The following ARG1 variants were observed in gnomAD, a reference collection of about 807,000 sequenced individuals.
ARG1 encodes arginase 1.
ARG1 carries 20 observed loss-of-function variants against 33.0 expected under a neutral mutation model. The observed-to-expected ratio is 0.61, with a 90% CI of 0.43 to 0.88. The LOEUF is 0.88. ARG1 is among the 40% of genes least tolerant of loss of function. The pLI is 0.00. For synonymous variants in ARG1, 146 were observed against 140.6 expected (o/e 1.04, Z -0.27); for missense variants, 374 against 384.7 (o/e 0.97, Z 0.23).
rs866970619 is a variant in ARG1 at position 131,583,852 on chromosome 6, G to A, written c.913G>A (p.Gly305Arg). 5 of 1,614,074 alleles carry A rather than the reference G, an allele frequency of 3.1e-6. No individual in the cohort carries two copies. Among genetic ancestry groups the A allele is most frequent in the Admixed American group, 3.3e-5 (2 of 60,020 alleles). Residue 305 changes from glycine (G) to arginine (R), a missense_variant, in exon 8 of 8, where the codon GGA (glycine) becomes AGA (arginine). Physicochemically the swap from Gly to Arg is moderately radical, Grantham distance 125 (BLOSUM62 -2). Coordinates refer to ENST00000368087, the MANE Select transcript of ARG1 (RefSeq NM_000045.4). ...AGTTGCAATAACCTTGGCTTGTTTC[G>A]GACTTGCTCGGGAGGGTAATCACAA... is the stretch of plus-strand genomic sequence containing the variant. ...TAVAITLACF[G>R]LAREGNHKPI...
intron 1 of ARG1, among the ~76,000 whole-genome samples, chr6:131,574,777 C>A (rs1448949781): frequency 6.6e-6 from 1 of 152,152 alleles, no homozygotes; most frequent in Non-Finnish European, 1.5e-5. Context: ...TGTCTCACCT[C>A]CTTGAAAGGC....
intron 6 of ARG1, 60 bp downstream of exon 6, chr6:131,583,224 C>T (rs1774029184): frequency 1.3e-6 from 2 of 1,598,146 alleles, no homozygotes; most frequent in African/African-American, 1.3e-5. Flanking sequence ...CTACTGACAA[C>T]CAAAGTTATT....
Position 131,583,151 on chromosome 6 carries a change from T to G in ARG1, c.652T>G (p.Tyr218Asp). Residue 218 changes from tyrosine (Y) to aspartate (D), a missense_variant, in exon 6 of 8, where the codon TAT becomes GAT. Transcript: ENST00000368087. ...CAAGGTGATGGAAGAAACACTCAGC[T>G]ATCTACTAGGAAGGTAGGATTCTTT... ...IGKVMEETLS[Y>D]LLGRKKRPIH... 1 of 1,613,654 alleles carries G rather than the reference T, an allele frequency of 6.2e-7. No homozygotes were observed. The highest frequency in any genetic ancestry group is 1.7e-5 in the Admixed American group (1 of 60,020).
Position 131,578,072 on chromosome 6 carries a change from G to T in ARG1, c.131-1039G>T, listed in dbSNP as rs1450278039. On this transcript the variant is annotated intron_variant, in intron 2 of 7. Transcript: ENST00000368087. ...AAGAAAGCAGATCAGCAGTTCCTGG[G>T]GTTGGGGGCAAGAATTACCTCTAAA... 4.6e-5 allele frequency among the ~76,000 whole-genome samples: 7 copies of T among 152,040 alleles called. No individual in the cohort carries two copies. The East Asian group carries it at 9.7e-4, about 21-fold the overall frequency.
intron 1 of ARG1, chr6:131,574,312 GAGAGGCC>G: frequency 1.2e-6 from 2 of 1,613,868 alleles, no homozygotes; most frequent in Non-Finnish European, 8.5e-7. Flanking sequence ...AACAAATTGA[GAGAGGCC>G]AGAGGTTAGA....
intron 1 of ARG1, chr6:131,574,215 T>C: frequency 4.5e-6 from 7 of 1,555,974 alleles, no homozygotes; most frequent in Non-Finnish European, 6.2e-6. Flanking sequence ...CTAAGGTTGA[T>C]TTTCTCCAGG....
At position 131,584,241 on chromosome 6, in the gene ARG1, G is replaced by C; in HGVS notation, c.*333G>C. On this transcript the variant is annotated 3_prime_UTR_variant, in exon 8 of 8. Transcript: ENST00000368087. ...ACATAGAGTGGGACTCTTGGAATCAGGAGACAAAGCTACCACATGTGGAAA... is the reference window on the plus strand; with the variant it reads ...ACATAGAGTGGGACTCTTGGAATCACGAGACAAAGCTACCACATGTGGAAA... 1 of 278,480 alleles carries C rather than the reference G, an allele frequency of 3.6e-6. No individual in the cohort carries two copies. Among genetic ancestry groups the C allele is most frequent in the Non-Finnish European group, 6.9e-6 (1 of 145,554 alleles). 17.3% of individuals were successfully genotyped at this position (278,480 alleles called of 1,614,324 possible). A position where few individuals can be genotyped will look rare whatever the true frequency, so the allele number is the denominator to read the frequency against.
chr6:131,582,312 G>A (rs534453895), intron 4 of ARG1, among the ~76,000 whole-genome samples: 92 of 152,264 alleles, frequency 6.0e-4, no homozygotes, highest in African/African-American at 2.1e-3. Context: ...TACTGAGAAA[G>A]GGAAGTAAAG....
intron 4 of ARG1, 42 bp from the exon 5 acceptor site, chr6:131,582,579 A>C: frequency 6.7e-7 from 1 of 1,485,920 alleles, no homozygotes; most frequent in Non-Finnish European, 9.4e-7. Flanking sequence ...GGATTTGTTC[A>C]AGAGAATCAT....
At position 131,581,268 on chromosome 6, in the gene ARG1, G is replaced by T. The variant is rs1478575616; in HGVS notation, c.355G>T (p.Gly119Ter). ...SGHARVHPDL[G>*]VIWVDAHTDI... is the part of the protein sequence containing the mutation. ...CCATGCCAGGGTCCACCCTGATCTT[G>T]GAGTCATCTGGGTGGATGCTCACAC... Residue 119 changes from glycine to a stop codon, truncating the protein, a stop_gained, in exon 4 of 8, where the codon GGA becomes TGA. Coordinates refer to ENST00000368087, the MANE Select transcript of ARG1 (RefSeq NM_000045.4). LOFTEE classifies it high-confidence loss of function. 6.2e-7 allele frequency: 1 copy of T among 1,613,846 alleles called. No homozygotes were observed. The highest frequency in any genetic ancestry group is 2.2e-5 in the East Asian group (1 of 44,862).
intron 4 of ARG1, 89 bp from the exon 5 acceptor site, chr6:131,582,532 A>C: frequency 1.1e-6 from 1 of 945,076 alleles, no homozygotes; most frequent in Non-Finnish European, 1.7e-6. Flanking sequence ...AATATAAGAT[A>C]TACGCAATCC....
chr6:131,574,065 T>C (rs1773496419), intron 1 of ARG1: 2 of 585,390 alleles, frequency 3.4e-6, no homozygotes. Flanking sequence ...TTGAATACAC[T>C]TTTTTTTCTG....
In ARG1 at chr6:131,582,783, AC is replaced by A; in HGVS notation, c.560+70del. Reference sequence around the variant, plus strand: ...TTTGTGTGCTAGATATGCTTTACTGACCAACTCTATGAGAGAAAATTAAACA... The same window carrying A: ...TTTGTGTGCTAGATATGCTTTACTGACAACTCTATGAGAGAAAATTAAACA... On this transcript the variant is annotated intron_variant, in intron 5 of 7. Transcript: ENST00000368087. The A allele has an allele frequency of 2.3e-6, 3 of 1,327,252 alleles. No individual in the cohort carries two copies. In the South Asian group the frequency reaches 3.5e-5, roughly 16 times the overall value. The allele number at this position is 1,327,252 out of a possible 1,614,324, so 82.2% of individuals were successfully genotyped here.
rs747275658 is a variant in ARG1, at chr6:131,583,743, G to A, written c.804G>A (p.Gly268=). ...LYITEEIYKT[G]LLSGLDIMEV... ...CATTATTACAATTTGTTGTTGTAGG[G>A]CTACTCTCAGGATTAGATATAATGG... The change falls in exon 8 of 8, where the codon GGG becomes GGA. Residue 268 remains glycine (G), a splice_region_variant and synonymous_variant. Coordinates refer to ENST00000368087, the MANE Select transcript of ARG1 (RefSeq NM_000045.4). 25 of 1,613,640 alleles carry A rather than the reference G, an allele frequency of 1.5e-5. No individual in the cohort carries two copies. Among genetic ancestry groups the A allele is most frequent in the Non-Finnish European group, 2.1e-5 (25 of 1,179,608 alleles).
intron 4 of ARG1, among the ~76,000 whole-genome samples, chr6:131,581,719 C>A (rs1361312169): frequency 6.6e-6 from 1 of 152,202 alleles, no homozygotes; most frequent in Non-Finnish European, 1.5e-5. Context: ...AGGGCTAGCA[C>A]CAGGTCTCCT....
intron 3 of ARG1, 103 bp from the exon 4 acceptor site, chr6:131,581,116 A>C: frequency 8.9e-7 from 1 of 1,126,494 alleles, no homozygotes; most frequent in Non-Finnish European, 1.3e-6. Context: ...AATATCAGAC[A>C]CTGTGACTCA....
In ARG1 at chr6:131,573,246, T is replaced by C. The variant is rs766705948; in HGVS notation, c.-37T>C. The C allele has an allele frequency of 2.5e-6, 4 of 1,613,300 alleles. No homozygotes were observed. In the Admixed American group the frequency reaches 6.7e-5, roughly 27 times the overall value. Reference sequence around the variant, plus strand: ...CCTCTGTCACTGAGGGTTGACTGACTGGAGAGCTCAAGTGCAGCAAAGAGA... The same window carrying C: ...CCTCTGTCACTGAGGGTTGACTGACCGGAGAGCTCAAGTGCAGCAAAGAGA... On this transcript the variant is annotated 5_prime_UTR_variant, in exon 1 of 8. Coordinates refer to ENST00000368087, the MANE Select transcript of ARG1 (RefSeq NM_000045.4).
At chr6:131,582,005 T>C (rs1005055335) in intron 4 of ARG1, among the ~76,000 whole-genome samples, 2 of 152,216 alleles carry the variant, frequency 1.3e-5, no homozygotes, top group African/African-American at 4.8e-5. Context: ...CCATAGTTTG[T>C]TGATATGCCA....
At position 131,581,243 on chromosome 6, in the gene ARG1, C is replaced by A; in HGVS notation, c.330C>A (p.Gly110=). The change falls in exon 4 of 8, where the codon GGC becomes GGA. Residue 110 remains glycine, a synonymous_variant. Transcript: ENST00000368087. ...GTTTGGCAATTGGAAGCATCTCTGG[C>A]CATGCCAGGGTCCACCCTGATCTTG... is the stretch of plus-strand genomic sequence containing the variant. The part of the protein sequence containing the change: ...DHSLAIGSIS[G]HARVHPDLGV... 1 of 1,613,840 alleles carries A rather than the reference C, an allele frequency of 6.2e-7. No individual in the cohort carries two copies. Among genetic ancestry groups the A allele is most frequent in the East Asian group, 2.2e-5 (1 of 44,876 alleles).
Sources: gnomAD v4.1 joint callset for allele counts (sites outside exome capture counted in the v4.1 genomes callset) on GRCh38, gnomAD v4.1.1 for gene constraint, MANE v1.5 for transcripts, NCBI Gene and HGNC (gene_info 2026-07-23, HGNC 2026-07-21) for gene names.